Variants in PPIP5K2 observed in about 807,000 individuals in gnomAD.
PPIP5K2 encodes the protein diphosphoinositol pentakisphosphate kinase 2.
Under a neutral mutation model 154.6 loss-of-function variants are expected in PPIP5K2, and 105 were observed. That is an observed-to-expected ratio of 0.68 (90% confidence interval 0.58 to 0.80). The LOEUF (loss-of-function observed/expected upper bound fraction) is 0.80, where lower values mean the gene tolerates loss of function less well. Among genes scored for constraint, PPIP5K2 ranks in the 30% least tolerant of loss-of-function variants. PPIP5K2 has a pLI of 0.00. For synonymous variants in PPIP5K2, 480 were observed against 490.3 expected, an observed-to-expected ratio of 0.98 and a Z score of 0.28; for missense variants, 992 against 1,504.6, an observed-to-expected ratio of 0.66 and a Z score of 5.64.
rs782609714 is a variant in PPIP5K2, at chr5:103,158,290, G to A, written c.1592G>A (p.Arg531Lys). The A allele has an allele frequency of 6.2e-7, 1 of 1,614,044 alleles. No homozygotes were observed. Among genetic ancestry groups the A allele is most frequent in the Non-Finnish European group, 8.5e-7 (1 of 1,179,964 alleles). The stretch of plus-strand genomic sequence containing the variant: ...GCTGAAGAACTTGGAAGAGCCTTCA[G>A]GTGTATGTATCCTGGAGGTCAAGGT... The part of the protein sequence containing the change: ...VQAEELGRAF[R>K]CMYPGGQGDY... The change falls in exon 15 of 31, where the codon AGG becomes AAG. Residue 531 changes from arginine (R) to lysine (K), a missense_variant. Transcript: ENST00000358359.
At chr5:103,170,949 T>G (rs1260506762) in intron 19 of PPIP5K2, among the ~76,000 whole-genome samples, 1 of 151,550 alleles carries the variant, frequency 6.6e-6, no homozygotes, top group Non-Finnish European at 1.5e-5. Flanking sequence ...TTAATGTAGA[T>G]TAACAGGGTA....
At chr5:103,135,831 G>A (rs1015914544) in intron 3 of PPIP5K2, among the ~76,000 whole-genome samples, 14 of 152,192 alleles carry the variant, frequency 9.2e-5, no homozygotes, top group African/African-American at 2.4e-4. Context: ...TGTTTTCATT[G>A]TAATTAGTAC....
In PPIP5K2 at chr5:103,167,225, T is replaced by A; in HGVS notation, c.1967T>A (p.Ile656Asn). Reference protein sequence around the residue: ...SISLIKSMHLIKNPVKTCDKV... With the variant: ...SISLIKSMHLNKNPVKTCDKV... The stretch of plus-strand genomic sequence containing the variant: ...TCTCTTATCAAATCAATGCATTTAA[T>A]TAAAAACCCTGTGAAGACCTGTGAT... Residue 656 changes from isoleucine to asparagine, a missense_variant, in exon 18 of 31, where the codon ATT (isoleucine) becomes AAT (asparagine). Physicochemically the swap from Ile to Asn is moderately radical, Grantham distance 149. Coordinates refer to ENST00000358359, the MANE Select transcript of PPIP5K2 (RefSeq NM_001276277.3). The A allele has an allele frequency of 6.3e-7, 1 of 1,594,274 alleles. No individual in the cohort carries two copies. The highest frequency in any genetic ancestry group is 1.1e-5 in the South Asian group (1 of 87,612).
intron 14 of PPIP5K2, among the ~76,000 whole-genome samples, chr5:103,156,213 A>G (rs1554213368): frequency 1.3e-5 from 2 of 152,192 alleles, no homozygotes; most frequent in East Asian, 3.8e-4. Flanking sequence ...TATTGTTCTG[A>G]AAACTGCATA....
intron 1 of PPIP5K2, among the ~76,000 whole-genome samples, chr5:103,126,736 C>G (rs374049438): frequency 6.8e-6 from 1 of 146,780 alleles, no homozygotes; most frequent in African/African-American, 2.5e-5. Flanking sequence ...GTCTATCTAG[C>G]CTTTTCACGT....
rs1408156933 is a variant in PPIP5K2 at position 103,201,533 on chromosome 5, C to T, written c.3631C>T (p.Pro1211Ser). 3 of 1,582,032 alleles carry T rather than the reference C, an allele frequency of 1.9e-6. No individual in the cohort carries two copies. The African/African-American group carries it at 4.2e-5, about 22-fold the overall frequency. The part of the protein sequence containing the change: ...KASSKPATSG[P>S]SSAVVPNTSS... Reference sequence around the variant, plus strand: ...TTTGTTTTATGTAGCTACAAGTGGACCTTCTAGTGCAGTTGTTCCTAATAC... The same window carrying T: ...TTTGTTTTATGTAGCTACAAGTGGATCTTCTAGTGCAGTTGTTCCTAATAC... The change falls in exon 31 of 31, where the codon CCT (proline) becomes TCT (serine). Residue 1211 changes from proline to serine, a missense_variant. Coordinates refer to ENST00000358359, the MANE Select transcript of PPIP5K2 (RefSeq NM_001276277.3).
intron 27 of PPIP5K2, 125 bp from the exon 28 acceptor site, chr5:103,187,189 C>G: frequency 1.6e-6 from 1 of 616,648 alleles, no homozygotes; most frequent in Non-Finnish European, 2.8e-6. Flanking sequence ...TTATTACATT[C>G]TCTCATTGTC....
intron 3 of PPIP5K2, 150 bp downstream of exon 3, chr5:103,133,798 C>T: frequency 1.7e-6 from 1 of 581,064 alleles, no homozygotes; most frequent in African/African-American, 1.9e-5. Flanking sequence ...TATTTCTTTC[C>T]AGTGTTTGTC....
At chr5:103,158,621 T>C in intron 16 of PPIP5K2, 48 bp downstream of exon 16, 1 of 1,477,462 alleles carries the variant, frequency 6.8e-7, no homozygotes, top group Admixed American at 2.3e-5. Context: ...AATCTAATAT[T>C]GTATCTTAAA....
rs1554224211 is a variant in PPIP5K2 at position 103,184,660 on chromosome 5, T to C, written c.3097-12T>C. On this transcript the variant is annotated splice_polypyrimidine_tract_variant and intron_variant, in intron 25 of 30. Coordinates refer to ENST00000358359, the MANE Select transcript of PPIP5K2 (RefSeq NM_001276277.3). ...ACTCTTTTACTTCATTTATTTTGGA[T>C]TCCTTATGCAGGTTGTATCTGAAAA... is the stretch of plus-strand genomic sequence containing the variant. 1.2e-6 allele frequency: 2 copies of C among 1,601,944 alleles called. No individual in the cohort carries two copies. The highest frequency in any genetic ancestry group is 2.2e-5 in the South Asian group (2 of 90,798).
chr5:103,205,939 A>G lies in PPIP5K2; in HGVS notation c.*4305A>G, dbSNP rs1310583076. 1 of 152,150 alleles carries G rather than the reference A, an allele frequency of 6.6e-6. No individual in the cohort carries two copies. The highest frequency in any genetic ancestry group is 1.5e-5 in the Non-Finnish European group (1 of 68,022). The allele number at this position is 152,150 out of a possible 1,614,324, so 9.4% of individuals were successfully genotyped here. On this transcript the variant is annotated 3_prime_UTR_variant, in exon 31 of 31. Coordinates refer to ENST00000358359, the MANE Select transcript of PPIP5K2 (RefSeq NM_001276277.3). ...TGTTTTAGGTTATTTAATATAGTATATATTGGGTTTTGCTTTGTGATTCAA... is the reference window on the plus strand; with the variant it reads ...TGTTTTAGGTTATTTAATATAGTATGTATTGGGTTTTGCTTTGTGATTCAA...
chr5:103,161,877 T>C (rs1554215943), intron 17 of PPIP5K2, among the ~76,000 whole-genome samples: 1 of 151,970 alleles, frequency 6.6e-6, no homozygotes, highest in East Asian at 1.9e-4. Context: ...GAGTAGATTG[T>C]AAAACTTTTC....
intron 1 of PPIP5K2, among the ~76,000 whole-genome samples, chr5:103,128,386 C>CTTAG (rs1387257989): frequency 8.8e-5 from 13 of 148,282 alleles, no homozygotes; most frequent in Non-Finnish European, 1.3e-4. Flanking sequence ...TCTTATAGTT[C>CTTAG]TTATTTATTT....
chr5:103,186,471 C>T, intron 27 of PPIP5K2, 32 bp downstream of exon 27: 1 of 1,613,010 alleles, frequency 6.2e-7, no homozygotes, highest in South Asian at 1.1e-5. Context: ...CAGATTCATA[C>T]CTACACCCAT....
chr5:103,185,026 A>G (rs1800147175), intron 26 of PPIP5K2, among the ~76,000 whole-genome samples: 1 of 152,166 alleles, frequency 6.6e-6, no homozygotes, highest in African/African-American at 2.4e-5. Context: ...TCTGTAAGTT[A>G]ATTTATGAAG....
At chr5:103,185,197 C>T (rs1554224474) in intron 26 of PPIP5K2, among the ~76,000 whole-genome samples, 1 of 152,068 alleles carries the variant, frequency 6.6e-6, no homozygotes, top group Non-Finnish European at 1.5e-5. Context: ...GAAAACCAAG[C>T]AAAACTAATG....
chr5:103,137,875 G>T (rs1791809398), intron 4 of PPIP5K2, among the ~76,000 whole-genome samples: 1 of 151,934 alleles, frequency 6.6e-6, no homozygotes, highest in African/African-American at 2.4e-5. Flanking sequence ...GTTTTAAATG[G>T]TTTGAAAAGT....
rs577383401 is a variant in PPIP5K2 at position 103,144,272 on chromosome 5, A to G, written c.488-2255A>G. On this transcript the variant is annotated intron_variant, in intron 5 of 30. Coordinates refer to ENST00000358359, the MANE Select transcript of PPIP5K2 (RefSeq NM_001276277.3). Reference sequence around the variant, plus strand: ...GAAAACCATAAAATGCTGATGAAAAAAATTGAAGAGAACACACAAAAAAAT... The same window carrying G: ...GAAAACCATAAAATGCTGATGAAAAGAATTGAAGAGAACACACAAAAAAAT... 9.3e-4 allele frequency among the ~76,000 whole-genome samples: 141 copies of G among 152,328 alleles called. 1 individual carries two copies. The highest frequency in any genetic ancestry group is 1.8e-3 in the Non-Finnish European group (120 of 68,024).
chr5:103,128,550 G>T (rs1241559783), intron 1 of PPIP5K2, among the ~76,000 whole-genome samples: 3 of 152,126 alleles, frequency 2.0e-5, no homozygotes, highest in East Asian at 3.9e-4. Flanking sequence ...GGGATTACAG[G>T]TGTGAGCCAA....
Sources: allele counts gnomAD v4.1 joint callset (sites outside exome capture counted in the v4.1 genomes callset), GRCh38; gene constraint gnomAD v4.1.1; transcripts MANE v1.5; gene names NCBI Gene and HGNC (gene_info 2026-07-23, HGNC 2026-07-21).